RGPD2: variants seen among roughly 807,000 people sequenced by gnomAD.
RGPD2 encodes the protein RANBP2 like and GRIP domain containing 2, also known as RANBP2-like and GRIP domain-containing protein 2.
Under a neutral mutation model 36.0 loss-of-function variants are expected in RGPD2, and 2 were observed. That is an observed-to-expected ratio of 0.06 (90% CI 0.02 to 0.17). The LOEUF is 0.17. RGPD2 is among the 10% of genes least tolerant of loss of function. The pLI is 1.00. For missense variants in RGPD2, 40 were observed against 464.3 expected (o/e 0.09, Z 8.40); for synonymous variants, 19 against 163.8 (o/e 0.12, Z 6.75).
At chr2:87,978,900 A>AG in the RGPD2 span, among the ~76,000 whole-genome samples, 2 of 145,032 alleles carry the variant, frequency 1.4e-5, no homozygotes, top group African/African-American at 5.0e-5. Context: ...CGTAGGCAAA[A>AG]AGTGACACCC....
At chr2:87,858,660 AT>A in the RGPD2 span, among the ~76,000 whole-genome samples, 2 of 145,074 alleles carry the variant, frequency 1.4e-5, no homozygotes, top group South Asian at 4.5e-4. Flanking sequence ...TTTAATGTTC[AT>A]TTTTTATTTT....
intron 7 of RGPD2, among the ~76,000 whole-genome samples, chr2:87,805,643 A>G (rs1685916173): frequency 6.6e-6 from 1 of 151,980 alleles, no homozygotes; most frequent in Non-Finnish European, 1.5e-5. Context: ...GTGGATGACT[A>G]GGTCAGGAGA....
At chr2:87,886,480 T>C in the RGPD2 span, among the ~76,000 whole-genome samples, 8 of 151,868 alleles carry the variant, frequency 5.3e-5, no homozygotes, top group Non-Finnish European at 8.8e-5. Flanking sequence ...AGTGACCAAA[T>C]GGCTTAAATT....
chr2:87,938,344 A>G, the RGPD2 span, among the ~76,000 whole-genome samples: 1 of 151,602 alleles, frequency 6.6e-6, no homozygotes, highest in Non-Finnish European at 1.5e-5. Context: ...ATGAGCCTTA[A>G]TGTCACAAAA....
chr2:87,971,811 A>G, the RGPD2 span, among the ~76,000 whole-genome samples: 24 of 152,188 alleles, frequency 1.6e-4, no homozygotes, highest in Non-Finnish European at 3.4e-4. Flanking sequence ...AACAAAACAA[A>G]TATAAAATCA....
chr2:87,957,235 C>CTG, the RGPD2 span, among the ~76,000 whole-genome samples: 10 of 22,386 alleles, frequency 4.5e-4, no homozygotes, highest in East Asian at 0.023. Flanking sequence ...GACAAGGTCA[C>CTG]TGGGGGGGGG....
chr2:87,957,758 G>C, the RGPD2 span, among the ~76,000 whole-genome samples: 3 of 152,280 alleles, frequency 2.0e-5, no homozygotes, highest in African/African-American at 4.8e-5. Context: ...CTTCATTGTG[G>C]TTTTCTTCCC....
the RGPD2 span, among the ~76,000 whole-genome samples, chr2:87,923,628 A>G: frequency 2.7e-5 from 4 of 149,598 alleles, no homozygotes; most frequent in African/African-American, 7.4e-5. Context: ...TTGGAAAATC[A>G]CTAAGCTCCT....
At chr2:87,977,826 A>T in the RGPD2 span, among the ~76,000 whole-genome samples, 1 of 152,216 alleles carries the variant, frequency 6.6e-6, no homozygotes, top group Non-Finnish European at 1.5e-5. Flanking sequence ...TATAAAAAGA[A>T]TATCCTTGGC....
chr2:87,927,519 TAAAGA>T, the RGPD2 span, among the ~76,000 whole-genome samples: 5 of 150,864 alleles, frequency 3.3e-5, no homozygotes, highest in African/African-American at 7.3e-5. Context: ...CATCTGAGAT[TAAAGA>T]AAAGAAAACA....
chr2:87,881,591 C>T, the RGPD2 span, among the ~76,000 whole-genome samples: 62 of 149,802 alleles, frequency 4.1e-4, no homozygotes, highest in East Asian at 2.6e-3. Flanking sequence ...TGGACTTTAC[C>T]GTCCATATCA....
the RGPD2 span, among the ~76,000 whole-genome samples, chr2:87,866,846 C>T: frequency 6.6e-6 from 1 of 152,352 alleles, no homozygotes; most frequent in African/African-American, 2.4e-5. Flanking sequence ...CCCGCCATCC[C>T]CTCCTGCCAT....
the RGPD2 span, among the ~76,000 whole-genome samples, chr2:87,882,869 AT>A: frequency 1.6e-4 from 25 of 151,892 alleles, no homozygotes; most frequent in African/African-American, 5.8e-4. Context: ...TGTTTTTTAA[AT>A]TTTTTTCTGG....
the RGPD2 span, among the ~76,000 whole-genome samples, chr2:87,879,062 C>G: frequency 1.3e-5 from 2 of 152,138 alleles, no homozygotes. Flanking sequence ...AATACCTTTG[C>G]CATACCGATT....
the RGPD2 span, among the ~76,000 whole-genome samples, chr2:87,945,808 C>CA: frequency 1.3e-5 from 2 of 151,896 alleles, no homozygotes; most frequent in African/African-American, 2.4e-5. Flanking sequence ...CAGGATCTCT[C>CA]AATGTTGCCC....
chr2:87,777,577 TCATA>T (rs1208030667), intron 20 of RGPD2, among the ~76,000 whole-genome samples: 10 of 145,778 alleles, frequency 6.9e-5, no homozygotes, highest in Non-Finnish European at 1.2e-4. Flanking sequence ...CCTACAGTGC[TCATA>T]CAGTTAAGAG....
the RGPD2 span, among the ~76,000 whole-genome samples, chr2:87,897,383 AT>A: frequency 1.4e-5 from 2 of 147,024 alleles, no homozygotes; most frequent in Non-Finnish European, 3.0e-5. Flanking sequence ...CTAAGCAATC[AT>A]TTTGCCAAAC....
chr2:87,925,779 CAT>C, the RGPD2 span, among the ~76,000 whole-genome samples: 1 of 151,934 alleles, frequency 6.6e-6, no homozygotes, highest in East Asian at 1.9e-4. Context: ...AGCTTTTTTT[CAT>C]ATGTTTGTTG....
At chr2:87,984,976 T>C in the RGPD2 span, among the ~76,000 whole-genome samples, 7 of 135,156 alleles carry the variant, frequency 5.2e-5, no homozygotes, top group Non-Finnish European at 1.1e-4. Flanking sequence ...GGCTAAAACA[T>C]ATAGAATGGT....
Sources: gnomAD v4.1 joint callset for allele counts (sites outside exome capture counted in the v4.1 genomes callset) on GRCh38, gnomAD v4.1.1 for gene constraint, MANE v1.5 for transcripts, NCBI Gene and HGNC (gene_info 2026-07-23, HGNC 2026-07-21) for gene names.